PSEN1: variants seen among roughly 807,000 people sequenced by gnomAD.
PSEN1 encodes presenilin-1.
PSEN1 carries 15 observed loss-of-function variants against 53.5 expected under a neutral mutation model. The ratio of observed to expected loss-of-function variants is 0.28; its 90% confidence interval spans 0.19 to 0.43. PSEN1 has a LOEUF of 0.43. Ranked by LOEUF, PSEN1 falls within the 20% of genes least tolerant of loss-of-function variation. The pLI is 1.00. For synonymous variants in PSEN1, 208 were observed against 209.8 expected, an observed-to-expected ratio of 0.99 and a Z score of 0.08; for missense variants, 387 against 571.2, an observed-to-expected ratio of 0.68 and a Z score of 3.29.
chr14:73,165,437 C>T (rs1317282236), intron 3 of PSEN1, among the ~76,000 whole-genome samples: 1 of 152,048 alleles, frequency 6.6e-6, no homozygotes, highest in Non-Finnish European at 1.5e-5. Flanking sequence ...TTCCTGAAAA[C>T]ATAATCAGTT....
chr14:73,201,333 G>A (rs576322359), intron 8 of PSEN1, among the ~76,000 whole-genome samples: 200 of 152,274 alleles, frequency 1.3e-3, no homozygotes, highest in African/African-American at 4.4e-3. Context: ...TGATCCGCCC[G>A]CCTCGGCCTC....
At chr14:73,185,949 A>G (rs1368954183) in intron 5 of PSEN1, among the ~76,000 whole-genome samples, 3 of 152,058 alleles carry the variant, frequency 2.0e-5, no homozygotes, top group Non-Finnish European at 1.5e-5. Context: ...TGAATGGTAG[A>G]CTCTAGGTGA....
chr14:73,190,128 AATAGAT>A (rs1898661182), intron 6 of PSEN1: 1 of 152,308 alleles, frequency 6.6e-6, no homozygotes, highest in Admixed American at 6.5e-5. Flanking sequence ...CTTCTGAAGA[AATAGAT>A]ATTTTAAGTG....
intron 3 of PSEN1, chr14:73,168,970 C>T (rs1566628389): frequency 6.6e-6 from 1 of 152,402 alleles, no homozygotes; most frequent in South Asian, 2.1e-4. Context: ...CACACTCACT[C>T]ACTCGCTTGC....
intron 5 of PSEN1, among the ~76,000 whole-genome samples, chr14:73,182,224 G>A (rs1470806658): frequency 6.6e-6 from 1 of 152,062 alleles, no homozygotes; most frequent in Non-Finnish European, 1.5e-5. Flanking sequence ...GACTGGGCAC[G>A]GTGACTCTCA....
chr14:73,190,394 C>T (rs1348587778), intron 6 of PSEN1, among the ~76,000 whole-genome samples: 1 of 150,690 alleles, frequency 6.6e-6, no homozygotes, highest in Admixed American at 6.6e-5. Flanking sequence ...GAGGCTGAGT[C>T]AGGAGGATCA....
At position 73,219,268 on chromosome 14, in the gene PSEN1, A is replaced by G. The variant is rs750708163; in HGVS notation, c.1383A>G (p.Ala461=). ...YLVQPFMDQL[A]FHQFYI ...TACAGCCTTTTATGGACCAATTAGC[A>G]TTCCATCAATTTTATATCTAGCATA... The change falls in exon 12 of 12, where the codon GCA becomes GCG. Residue 461 remains alanine (A), a synonymous_variant. Coordinates refer to ENST00000324501, the MANE Select transcript of PSEN1 (RefSeq NM_000021.4). The G allele has an allele frequency of 1.9e-6, 3 of 1,613,590 alleles. No individual in the cohort carries two copies. The highest frequency in any genetic ancestry group is 4.5e-5 in the East Asian group (2 of 44,876).
At chr14:73,205,478 CAAAAAAAAAA>C (rs34992040) in intron 8 of PSEN1, among the ~76,000 whole-genome samples, 1 of 64,678 alleles carries the variant, frequency 1.5e-5, no homozygotes, top group East Asian at 5.0e-4. Context: ...GACTCTGTCT[CAAAAAAAAAA>C]AAAAAAAAAA....
intron 3 of PSEN1, among the ~76,000 whole-genome samples, chr14:73,164,435 A>C (rs1897646458): frequency 6.6e-6 from 1 of 152,262 alleles, no homozygotes; most frequent in South Asian, 2.1e-4. Flanking sequence ...TAGCCATAGG[A>C]ATATGTATAT....
At chr14:73,210,719 A>C (rs1899642597) in intron 9 of PSEN1, among the ~76,000 whole-genome samples, 1 of 152,206 alleles carries the variant, frequency 6.6e-6, no homozygotes, top group Non-Finnish European at 1.5e-5. Context: ...AAAACTATCA[A>C]TACAAAATTG....
chr14:73,172,914 A>G (rs1283610624), intron 4 of PSEN1, among the ~76,000 whole-genome samples: 2 of 152,164 alleles, frequency 1.3e-5, no homozygotes, highest in East Asian at 3.8e-4. Flanking sequence ...AGAAAAGAAC[A>G]TAGGACATGT....
At chr14:73,208,949 C>G (rs917402389) in intron 9 of PSEN1, 5 of 449,302 alleles carry the variant, frequency 1.1e-5, no homozygotes, top group Non-Finnish European at 1.8e-5. Context: ...CAGTCTCCCT[C>G]CCATGCTTGT....
intron 3 of PSEN1, among the ~76,000 whole-genome samples, chr14:73,152,832 C>G (rs1245838724): frequency 6.6e-6 from 1 of 152,156 alleles, no homozygotes; most frequent in Non-Finnish European, 1.5e-5. Flanking sequence ...TACTTGAGGC[C>G]AGGAGTTCCA....
chr14:73,198,027 C>T lies in PSEN1; in HGVS notation c.770-4C>T. On this transcript the variant is annotated splice_polypyrimidine_tract_variant and splice_region_variant and intron_variant, in intron 7 of 11. Transcript: ENST00000324501. Reference sequence around the variant, plus strand: ...AGATGTCTTTTATGTTTTTCTTTTTCTAGATTTAGTGGCTGTTTTGTGTCC... The same window carrying T: ...AGATGTCTTTTATGTTTTTCTTTTTTTAGATTTAGTGGCTGTTTTGTGTCC... 6.4e-7 allele frequency: 1 copy of T among 1,569,334 alleles called. No individual in the cohort carries two copies. Among genetic ancestry groups the T allele is most frequent in the Non-Finnish European group, 8.8e-7 (1 of 1,140,238 alleles).
chr14:73,215,496 T>G (rs1162442203), intron 10 of PSEN1, among the ~76,000 whole-genome samples: 1 of 151,504 alleles, frequency 6.6e-6, no homozygotes, highest in Non-Finnish European at 1.5e-5. Flanking sequence ...GGCAGGATAA[T>G]TGCTTGAAAT....
intron 11 of PSEN1, 79 bp from the exon 12 acceptor site, chr14:73,219,055 C>G: frequency 2.0e-6 from 3 of 1,478,034 alleles, no homozygotes; most frequent in Non-Finnish European, 2.8e-6. Flanking sequence ...TGTTAAAAAC[C>G]AAGACTTGTG....
intron 8 of PSEN1, among the ~76,000 whole-genome samples, chr14:73,202,458 A>ATCT (rs1899257962): frequency 7.2e-5 from 1 of 13,838 alleles, no homozygotes; most frequent in Non-Finnish European, 1.1e-4. Context: ...ATATATATAT[A>ATCT]TATATTTTTT....
At chr14:73,200,902 T>C (rs1172573659) in intron 8 of PSEN1, among the ~76,000 whole-genome samples, 1 of 151,692 alleles carries the variant, frequency 6.6e-6, no homozygotes, top group African/African-American at 2.4e-5. Context: ...AATATAAAAA[T>C]CAGCTGGGTG....
chr14:73,210,796 G>A (rs2140133228), intron 9 of PSEN1, among the ~76,000 whole-genome samples: 1 of 152,130 alleles, frequency 6.6e-6, no homozygotes, highest in East Asian at 1.9e-4. Context: ...ACTTATTCAT[G>A]GCAAATCTAC....
Sources: allele counts gnomAD v4.1 joint callset (sites outside exome capture counted in the v4.1 genomes callset), GRCh38; gene constraint gnomAD v4.1.1; transcripts MANE v1.5; gene names NCBI Gene and HGNC (gene_info 2026-07-23, HGNC 2026-07-21).